Variants in PCM1 observed in about 807,000 individuals in gnomAD.
PCM1 encodes the protein pericentriolar material 1.
A neutral mutation model predicts 241.9 loss-of-function variants in PCM1; 157 were observed. The observed-to-expected ratio is 0.65, with a 90% CI of 0.57 to 0.74. PCM1 has a LOEUF of 0.74. Among genes scored for constraint, PCM1 ranks in the 30% least tolerant of loss-of-function variants. The pLI is 0.00. For synonymous variants in PCM1, 1,085 were observed against 784.9 expected, an observed-to-expected ratio of 1.38 and a Z score of -6.39; for missense variants, 3,478 against 2,360.1, an observed-to-expected ratio of 1.47 and a Z score of -9.81.
chr8:18,020,127 G>C (rs2093640459), intron 36 of PCM1, among the ~76,000 whole-genome samples: 1 of 152,084 alleles, frequency 6.6e-6, no homozygotes, highest in Non-Finnish European at 1.5e-5. Flanking sequence ...TCAGGTTCAG[G>C]ATACCCAAGT....
intron 29 of PCM1, 90 bp from the exon 30 acceptor site, chr8:18,006,173 T>G: frequency 9.5e-7 from 1 of 1,055,970 alleles, no homozygotes. Flanking sequence ...GCAAGAAAAT[T>G]AAAAATTAAC....
Position 17,972,590 on chromosome 8 carries a change from G to C in PCM1, c.3846G>C (p.Ala1282=). The C allele has an allele frequency of 6.2e-7, 1 of 1,612,820 alleles. No homozygotes were observed. The highest frequency in any genetic ancestry group is 1.7e-4 in the Middle Eastern group (1 of 6,060). ...CTAAAACATTCAAGACAAGAAAAGCGTCTGCACAGGCCAGCCTGGCATCTA... is the reference window on the plus strand; with the variant it reads ...CTAAAACATTCAAGACAAGAAAAGCCTCTGCACAGGCCAGCCTGGCATCTA... ...TVTKTFKTRK[A]SAQASLASKD... The change falls in exon 23 of 39, where the codon GCG becomes GCC. Residue 1282 remains alanine, a synonymous_variant. Transcript: ENST00000325083.
chr8:18,016,857 A>AC, intron 36 of PCM1, among the ~76,000 whole-genome samples: 1 of 152,370 alleles, frequency 6.6e-6, no homozygotes, highest in East Asian at 1.9e-4. Context: ...CAGCCAGGAC[A>AC]CCGAGGTCTG....
chr8:17,999,487 C>G (rs1305599404), intron 29 of PCM1, among the ~76,000 whole-genome samples: 1 of 152,076 alleles, frequency 6.6e-6, no homozygotes, highest in Non-Finnish European at 1.5e-5. Context: ...GGCGACCTCA[C>G]GACTCTGCCG....
rs370292019 is a variant in PCM1, at chr8:17,966,352, C to G, written c.3100C>G (p.Leu1034Val). The G allele has an allele frequency of 5.0e-6, 8 of 1,613,734 alleles. No individual in the cohort carries two copies. The African/African-American group carries it at 5.3e-5, about 11-fold the overall frequency. The change falls in exon 20 of 39, where the codon CTT (leucine) becomes GTT (valine). Residue 1034 changes from leucine to valine, a missense_variant. By Grantham distance (32) the Leu-to-Val change is conservative. Transcript: ENST00000325083. ...QQTLSCLLQTLLTGPYSVMPS... is the reference protein window; with the variant it reads ...QQTLSCLLQTVLTGPYSVMPS... ...GACTCTATCTTGTCTGCTACAAACT[C>G]TTCTCACGGGTCCTTACAGTGTTAT...
At chr8:18,018,051 G>T (rs1023716197) in intron 36 of PCM1, among the ~76,000 whole-genome samples, 1 of 152,160 alleles carries the variant, frequency 6.6e-6, no homozygotes, top group Non-Finnish European at 1.5e-5. Flanking sequence ...TAATAAATCA[G>T]CCAGTCCCTT....
intron 26 of PCM1, chr8:17,986,311 G>A: frequency 6.6e-6 from 2 of 301,058 alleles, no homozygotes; most frequent in Non-Finnish European, 1.2e-5. Flanking sequence ...AGATTATGAG[G>A]TCTGAGATAG....
intron 36 of PCM1, among the ~76,000 whole-genome samples, chr8:18,020,812 T>TTATC (rs2093690027): frequency 6.6e-6 from 1 of 152,180 alleles, no homozygotes; most frequent in Non-Finnish European, 1.5e-5. Flanking sequence ...AGGTATGCCT[T>TTATC]TGGAGTGAGT....
intron 31 of PCM1, among the ~76,000 whole-genome samples, chr8:18,010,276 G>A (rs989904576): frequency 1.3e-5 from 2 of 152,256 alleles, no homozygotes; most frequent in East Asian, 3.9e-4. Context: ...TTCCCTAGAT[G>A]TGTACCCTTT....
At chr8:18,019,875 C>G (rs2093620399) in intron 36 of PCM1, among the ~76,000 whole-genome samples, 1 of 152,174 alleles carries the variant, frequency 6.6e-6, no homozygotes, top group African/African-American at 2.4e-5. Flanking sequence ...TGTGATCTGA[C>G]TGCAGAGAGA....
chr8:17,977,930 A>G (rs2129474090), intron 23 of PCM1, among the ~76,000 whole-genome samples: 1 of 152,320 alleles, frequency 6.6e-6, no homozygotes, highest in East Asian at 1.9e-4. Flanking sequence ...CAGTGAATAT[A>G]ACAGTGCATA....
chr8:17,964,687 C>G lies in PCM1; in HGVS notation c.2774C>G (p.Ala925Gly). 6.2e-7 allele frequency: 1 copy of G among 1,613,772 alleles called. No homozygotes were observed. The highest frequency in any genetic ancestry group is 8.5e-7 in the Non-Finnish European group (1 of 1,179,722). ...GAAGAGGAGGAAGAAGAGCAAGATG[C>G]CAGTTCCAATGATAACTTTTCTGTG... ...TDEEEEEEQD[A>G]SSNDNFSVCP... Residue 925 changes from alanine (A) to glycine (G), a missense_variant, in exon 18 of 39, where the codon GCC becomes GGC. Physicochemically the swap from Ala to Gly is moderately conservative, Grantham distance 60. Transcript: ENST00000325083.
rs572093317 is a variant in PCM1, at chr8:17,937,225, A to C, written c.188A>C (p.Asp63Ala). 6 of 1,608,162 alleles carry C rather than the reference A, an allele frequency of 3.7e-6. No individual in the cohort carries two copies. Among genetic ancestry groups the C allele is most frequent in the African/African-American group, 2.7e-5 (2 of 74,962 alleles). ...GVESDKRVTN[D>A]ISPESSPGVG... ...GAAAGTGATAAAAGAGTAACCAATG[A>C]TATTTCTCCGGAGTCGTCACCAGGA... is the stretch of plus-strand genomic sequence containing the variant. The change falls in exon 4 of 39, where the codon GAT becomes GCT. Residue 63 changes from aspartate to alanine, a missense_variant. Physicochemically the swap from Asp to Ala is moderately radical, Grantham distance 126. Coordinates refer to ENST00000325083, the MANE Select transcript of PCM1 (RefSeq NM_006197.4).
At chr8:18,000,967 A>C (rs1442187329) in intron 29 of PCM1, among the ~76,000 whole-genome samples, 1 of 152,252 alleles carries the variant, frequency 6.6e-6, no homozygotes, top group African/African-American at 2.4e-5. Context: ...AGAGAGGTCA[A>C]GTAGTCATTT....
chr8:17,971,985 T>G (rs2077013074), intron 22 of PCM1, among the ~76,000 whole-genome samples: 1 of 152,160 alleles, frequency 6.6e-6, no homozygotes, highest in Non-Finnish European at 1.5e-5. Context: ...GCTCAAGCAT[T>G]CCTCCTGCCT....
chr8:18,019,826 G>T (rs1026477846), intron 36 of PCM1, among the ~76,000 whole-genome samples: 1 of 152,192 alleles, frequency 6.6e-6, no homozygotes, highest in African/African-American at 2.4e-5. Flanking sequence ...ACTGGGGGTT[G>T]CAGATCCCTG....
chr8:17,999,648 T>A (rs188287205), intron 29 of PCM1, among the ~76,000 whole-genome samples: 67 of 152,238 alleles, frequency 4.4e-4, no homozygotes, highest in Non-Finnish European at 8.1e-4. Context: ...CGTCAGCAAT[T>A]CAAGATGGTC....
chr8:17,969,772 A>G (rs2076228674), intron 22 of PCM1, 24 bp downstream of exon 22: 1 of 1,534,500 alleles, frequency 6.5e-7, no homozygotes, highest in Non-Finnish European at 9.0e-7. Flanking sequence ...ACAGTCTTTT[A>G]TTGCTTAAAC....
rs574308567 is a variant in PCM1 at position 17,959,428 on chromosome 8, G to A, written c.2041-586G>A. On this transcript the variant is annotated intron_variant, in intron 13 of 38. Coordinates refer to ENST00000325083, the MANE Select transcript of PCM1 (RefSeq NM_006197.4). ...AATAGCATCCAGTTACTATATACTT[G>A]TTTTCAATCTTTCGCTATTTAGAAA... is the stretch of plus-strand genomic sequence containing the variant. Among the ~76,000 whole-genome samples, 3 of 152,050 alleles carry A rather than the reference G, an allele frequency of 2.0e-5. 1 individual carries two copies. The East Asian group carries it at 5.8e-4, about 29-fold the overall frequency.
Sources: allele counts gnomAD v4.1 joint callset (sites outside exome capture counted in the v4.1 genomes callset), GRCh38; gene constraint gnomAD v4.1.1; transcripts MANE v1.5; gene names NCBI Gene and HGNC (gene_info 2026-07-23, HGNC 2026-07-21).